PCDH7: variants seen among roughly 807,000 people sequenced by gnomAD.
PCDH7 encodes protocadherin 7.
In PCDH7, 17 loss-of-function variants were observed where a neutral mutation model predicts 58.9. The observed-to-expected ratio is 0.29, with a 90% CI of 0.20 to 0.43. The LOEUF is 0.43. PCDH7 is among the 20% of genes least tolerant of loss of function. The pLI is 1.00. For missense variants in PCDH7, 1,274 were observed against 1,441.0 expected, an observed-to-expected ratio of 0.88 and a Z score of 1.88; for synonymous variants, 664 against 616.4, an observed-to-expected ratio of 1.08 and a Z score of -1.14.
At chr4:30,758,434 A>G (rs1719593511) in intron 1 of PCDH7, among the ~76,000 whole-genome samples, 1 of 152,242 alleles carries the variant, frequency 6.6e-6, no homozygotes, top group Non-Finnish European at 1.5e-5. Flanking sequence ...GGAATACTTC[A>G]TAGAATTTAA....
At chr4:30,979,604 A>G (rs76271092) in intron 3 of PCDH7, among the ~76,000 whole-genome samples, 1,686 of 151,602 alleles carry the variant, frequency 0.011, 25 homozygotes, top group African/African-American at 0.035. Flanking sequence ...ACATCACTCT[A>G]CTGACATGCA....
chr4:31,027,740 C>T (rs1244884241), intron 3 of PCDH7, among the ~76,000 whole-genome samples: 3 of 152,072 alleles, frequency 2.0e-5, no homozygotes, highest in African/African-American at 7.2e-5. Flanking sequence ...TTTATATATG[C>T]ATAATATTTA....
intron 3 of PCDH7, among the ~76,000 whole-genome samples, chr4:31,128,275 C>T (rs75624598): frequency 2.0e-5 from 3 of 152,034 alleles, no homozygotes; most frequent in African/African-American, 4.8e-5. Context: ...TGGGTCATGG[C>T]GCTCAGTTGA....
At chr4:31,032,563 G>A (rs1755017858) in intron 3 of PCDH7, among the ~76,000 whole-genome samples, 1 of 149,242 alleles carries the variant, frequency 6.7e-6, no homozygotes, top group South Asian at 2.1e-4. Flanking sequence ...AGCCGAGAAT[G>A]TGCCACTGCA....
At chr4:30,906,240 T>A (rs942689122) in intron 1 of PCDH7, among the ~76,000 whole-genome samples, 5 of 152,132 alleles carry the variant, frequency 3.3e-5, no homozygotes, top group African/African-American at 4.8e-5. Context: ...ACCCATATAC[T>A]CTTACGGTTT....
At chr4:30,729,703 A>G (rs1217524138) in intron 1 of PCDH7, among the ~76,000 whole-genome samples, 1 of 152,036 alleles carries the variant, frequency 6.6e-6, no homozygotes, top group Non-Finnish European at 1.5e-5. Flanking sequence ...CAATATTGAT[A>G]ATTACTTTTG....
At position 30,832,511 on chromosome 4, in the gene PCDH7, T is replaced by C. The variant is rs1577976587; in HGVS notation, c.71-87642T>C. Reference sequence around the variant, plus strand: ...AGTGATCAGAGGCTCTAATGATTAGTGGTTATAAGCATGAACCAGAGCTTA... The same window carrying C: ...AGTGATCAGAGGCTCTAATGATTAGCGGTTATAAGCATGAACCAGAGCTTA... On this transcript the variant is annotated intron_variant, in intron 1 of 3. Transcript: ENST00000509759. 2.6e-5 allele frequency among the ~76,000 whole-genome samples: 4 copies of C among 152,176 alleles called. No homozygotes were observed. In the East Asian group the frequency reaches 7.7e-4, roughly 29 times the overall value.
At chr4:30,746,365 G>C (rs1717781251) in intron 1 of PCDH7, among the ~76,000 whole-genome samples, 2 of 152,136 alleles carry the variant, frequency 1.3e-5, no homozygotes, top group Admixed American at 1.3e-4. Flanking sequence ...GAACCAGATT[G>C]ATTTTCTGGG....
At chr4:30,889,710 T>C (rs890323672) in intron 1 of PCDH7, among the ~76,000 whole-genome samples, 1 of 152,158 alleles carries the variant, frequency 6.6e-6, no homozygotes, top group African/African-American at 2.4e-5. Context: ...TGGTCTCATA[T>C]GGTGTAAGGA....
chr4:31,091,211 T>G (rs73812527), intron 3 of PCDH7, among the ~76,000 whole-genome samples: 1 of 151,984 alleles, frequency 6.6e-6, no homozygotes, highest in African/African-American at 2.4e-5. Context: ...CACTGACTGA[T>G]AGATGCATCC....
chr4:31,078,263 A>G (rs1759170661), intron 3 of PCDH7, among the ~76,000 whole-genome samples: 1 of 151,980 alleles, frequency 6.6e-6, no homozygotes, highest in Non-Finnish European at 1.5e-5. Flanking sequence ...ACCAGACTCA[A>G]AGTACATAAA....
intron 3 of PCDH7, among the ~76,000 whole-genome samples, chr4:31,026,188 A>G (rs1244163129): frequency 6.6e-6 from 1 of 152,150 alleles, no homozygotes; most frequent in African/African-American, 2.4e-5. Flanking sequence ...CTCCCTTTAT[A>G]CCCACTAATC....
chr4:31,111,073 G>A (rs916458165), intron 3 of PCDH7, among the ~76,000 whole-genome samples: 7 of 151,972 alleles, frequency 4.6e-5, no homozygotes, highest in African/African-American at 9.7e-5. Context: ...TAGTGTCACC[G>A]TGAAGAATAC....
intron 3 of PCDH7, among the ~76,000 whole-genome samples, chr4:30,991,843 A>C (rs2109124831): frequency 6.6e-6 from 1 of 152,308 alleles, no homozygotes; most frequent in Non-Finnish European, 1.5e-5. Context: ...GATATAAGAC[A>C]GTATTTACAT....
chr4:30,976,085 A>G (rs1464073709), intron 3 of PCDH7, among the ~76,000 whole-genome samples: 2 of 152,232 alleles, frequency 1.3e-5, no homozygotes, highest in South Asian at 4.1e-4. Context: ...AGTATCTGAT[A>G]CAGGCTTGGT....
intron 3 of PCDH7, among the ~76,000 whole-genome samples, chr4:31,124,229 A>G (rs1718025325): frequency 6.6e-6 from 1 of 152,220 alleles, no homozygotes; most frequent in South Asian, 2.1e-4. Flanking sequence ...AGTAGTGATA[A>G]CAGCAGAGAA....
At chr4:30,799,311 A>T (rs114083879) in intron 1 of PCDH7, among the ~76,000 whole-genome samples, 255 of 152,338 alleles carry the variant, frequency 1.7e-3, no homozygotes, top group Non-Finnish European at 1.6e-3. Flanking sequence ...CCTATGAATA[A>T]TGATTAATGT....
intron 3 of PCDH7, among the ~76,000 whole-genome samples, chr4:30,989,983 A>G (rs1751325340): frequency 6.6e-6 from 1 of 152,134 alleles, no homozygotes; most frequent in African/African-American, 2.4e-5. Flanking sequence ...TGGTACCTGG[A>G]AATAGAATGC....
At position 30,764,435 on chromosome 4, in the gene PCDH7, T is replaced by G. The variant is rs1271889673; in HGVS notation, c.70+39839T>G. Among the ~76,000 whole-genome samples, 5 of 151,992 alleles carry G rather than the reference T, an allele frequency of 3.3e-5. 1 individual carries two copies. The highest frequency in any genetic ancestry group is 5.9e-5 in the Non-Finnish European group (4 of 68,042). Reference sequence around the variant, plus strand: ...TTTAAGTAGTGGTTCAGGAATATAGTTTTATAAACTGTTTATCATTTATCA... The same window carrying G: ...TTTAAGTAGTGGTTCAGGAATATAGGTTTATAAACTGTTTATCATTTATCA... On this transcript the variant is annotated intron_variant, in intron 1 of 3. Transcript: ENST00000509759.
Sources: allele counts gnomAD v4.1 joint callset (sites outside exome capture counted in the v4.1 genomes callset), GRCh38; gene constraint gnomAD v4.1.1; transcripts MANE v1.5; gene names NCBI Gene and HGNC (gene_info 2026-07-23, HGNC 2026-07-21).